The following ROR1 variants were observed in gnomAD, a reference collection of about 807,000 sequenced individuals.
ROR1 encodes the protein ROR family WNT receptor 1.
In ROR1, 19 loss-of-function variants were observed where a neutral mutation model predicts 78.8. The ratio of observed to expected loss-of-function variants is 0.24; its 90% CI spans 0.17 to 0.35. ROR1 has a LOEUF of 0.35. Among genes scored for constraint, ROR1 ranks in the 10% least tolerant of loss-of-function variants. ROR1 has a pLI of 1.00. For synonymous variants in ROR1, 386 were observed against 433.6 expected, an observed-to-expected ratio of 0.89 and a Z score of 1.36; for missense variants, 917 against 1,177.8, an observed-to-expected ratio of 0.78 and a Z score of 3.24.
At chr1:63,811,579 C>G (rs1644860263) in intron 1 of ROR1, among the ~76,000 whole-genome samples, 1 of 151,962 alleles carries the variant, frequency 6.6e-6, no homozygotes, top group Non-Finnish European at 1.5e-5. Context: ...TTTTTTTCCC[C>G]TCCTTCCTAC....
chr1:64,002,028 T>G (rs998418476), intron 1 of ROR1, among the ~76,000 whole-genome samples: 16 of 152,132 alleles, frequency 1.1e-4, no homozygotes, highest in Admixed American at 9.8e-4. Flanking sequence ...TGTCAGGTCT[T>G]ATTGTTAACC....
chr1:64,075,961 C>G (rs1647047272), intron 4 of ROR1, among the ~76,000 whole-genome samples: 1 of 152,188 alleles, frequency 6.6e-6, no homozygotes, highest in African/African-American at 2.4e-5. Context: ...ATGATTGTCA[C>G]TTTTCCAGCA....
intron 1 of ROR1, among the ~76,000 whole-genome samples, chr1:63,954,880 G>A (rs1384204111): frequency 1.3e-5 from 2 of 152,102 alleles, no homozygotes; most frequent in African/African-American, 2.4e-5. Context: ...ACCAAGGGAC[G>A]ACTGTAATTA....
chr1:64,106,220 A>C (rs1647798415), intron 4 of ROR1: 1 of 152,102 alleles, frequency 6.6e-6, no homozygotes, highest in Non-Finnish European at 1.5e-5. Flanking sequence ...TCTTTGTAGC[A>C]ATTGTGAATG....
intron 1 of ROR1, among the ~76,000 whole-genome samples, chr1:63,815,486 T>A (rs1298078370): frequency 7.0e-6 from 1 of 143,272 alleles, no homozygotes; most frequent in Non-Finnish European, 1.5e-5. Flanking sequence ...TTCTTTTTCT[T>A]TTTTTTTTTT....
intron 4 of ROR1, among the ~76,000 whole-genome samples, chr1:64,109,870 G>T (rs918259072): frequency 6.6e-6 from 1 of 152,072 alleles, no homozygotes; most frequent in Non-Finnish European, 1.5e-5. Context: ...GGGATGGGCA[G>T]GAATTTGTTG....
chr1:64,055,345 GTTAAT>G (rs1389609085), intron 4 of ROR1, among the ~76,000 whole-genome samples: 1 of 152,236 alleles, frequency 6.6e-6, no homozygotes, highest in African/African-American at 2.4e-5. Flanking sequence ...TGACACATTG[GTTAAT>G]TTATCTTTTC....
At position 63,875,420 on chromosome 1, in the gene ROR1, T is replaced by A. The variant is rs563214954; in HGVS notation, c.91+100912T>A. Reference sequence around the variant, plus strand: ...CTGTGTGTTTTGGGGGAAATTACTTTGCCTTTCTAAGCTTCTGTTTCCTCG... The same window carrying A: ...CTGTGTGTTTTGGGGGAAATTACTTAGCCTTTCTAAGCTTCTGTTTCCTCG... On this transcript the variant is annotated intron_variant, in intron 1 of 8. Coordinates refer to ENST00000371079, the MANE Select transcript of ROR1 (RefSeq NM_005012.4). Among the ~76,000 whole-genome samples the A allele has an allele frequency of 8.5e-5, 13 of 152,292 alleles. No individual in the cohort carries two copies. In the South Asian group the frequency reaches 2.7e-3, roughly 32 times the overall value.
intron 4 of ROR1, among the ~76,000 whole-genome samples, chr1:64,109,744 G>T (rs1000511787): frequency 2.0e-5 from 3 of 152,060 alleles, no homozygotes; most frequent in African/African-American, 7.2e-5. Flanking sequence ...TGCCTAGACT[G>T]GTCTCAAACT....
intron 1 of ROR1, among the ~76,000 whole-genome samples, chr1:63,783,688 T>C (rs996053815): frequency 1.3e-5 from 2 of 152,184 alleles, no homozygotes; most frequent in Non-Finnish European, 2.9e-5. Flanking sequence ...TCTTGGTGTC[T>C]TCCCTTCTAT....
At chr1:64,119,031 G>A (rs1421339599) in intron 4 of ROR1, among the ~76,000 whole-genome samples, 1 of 152,214 alleles carries the variant, frequency 6.6e-6, no homozygotes, top group Admixed American at 6.5e-5. Flanking sequence ...TAACCCAAGG[G>A]CCAATGTGAA....
At chr1:64,041,548 G>A (rs1310827070) in intron 2 of ROR1, among the ~76,000 whole-genome samples, 1 of 152,122 alleles carries the variant, frequency 6.6e-6, no homozygotes, top group Non-Finnish European at 1.5e-5. Flanking sequence ...CTATAAAGGT[G>A]GCTGTCTTTC....
At chr1:63,946,429 G>A (rs1645890179) in intron 1 of ROR1, among the ~76,000 whole-genome samples, 1 of 152,088 alleles carries the variant, frequency 6.6e-6, no homozygotes, top group Non-Finnish European at 1.5e-5. Flanking sequence ...TTTGACAGTG[G>A]CACAGAATCG....
chr1:63,892,847 A>C (rs1263303184), intron 1 of ROR1, among the ~76,000 whole-genome samples: 3 of 152,168 alleles, frequency 2.0e-5, no homozygotes, highest in Non-Finnish European at 4.4e-5. Flanking sequence ...AGGGAAGGGC[A>C]ATAGGGGTGA....
intron 1 of ROR1, among the ~76,000 whole-genome samples, chr1:63,905,008 G>A (rs1645517742): frequency 6.6e-6 from 1 of 152,118 alleles, no homozygotes; most frequent in African/African-American, 2.4e-5. Context: ...GCTTGTTACA[G>A]CTCCTCATCC....
In ROR1 at chr1:64,178,350, C is replaced by A. The variant is rs1305550222; in HGVS notation, c.2309C>A (p.Thr770Lys). The change falls in exon 9 of 9, where the codon ACA (threonine) becomes AAA (lysine). Residue 770 changes from threonine (T) to lysine (K), a missense_variant. This residue lies in a region of ROR1 where 835 missense variants were observed against 1,069.8 expected (regional missense o/e 0.78). Transcript: ENST00000371079. This position sits in a 1 kb window ranked among gnomAD's most constrained non-coding sequence, Gnocchi z 4.3. The part of the protein sequence containing the change: ...TPSGGNATTQ[T>K]TSLSASPVSN... ...TCAGGGGGAAATGCCACCACACAGA[C>A]AACCTCCCTCAGTGCCAGCCCAGTG... 6 of 1,614,192 alleles carry A rather than the reference C, an allele frequency of 3.7e-6. No individual in the cohort carries two copies. Among genetic ancestry groups the A allele is most frequent in the Non-Finnish European group, 5.1e-6 (6 of 1,180,036 alleles).
chr1:64,020,864 C>A (rs963091597), intron 2 of ROR1, among the ~76,000 whole-genome samples: 1 of 152,106 alleles, frequency 6.6e-6, no homozygotes, highest in East Asian at 1.9e-4. Context: ...AGACAAACTT[C>A]GAAAATGTTG....
Position 63,988,239 on chromosome 1 carries a change from T to C in ROR1, c.92-21066T>C, listed in dbSNP as rs540988702. Among the ~76,000 whole-genome samples, 13 of 152,306 alleles carry C rather than the reference T, an allele frequency of 8.5e-5. No individual in the cohort carries two copies. In the South Asian group the frequency reaches 2.5e-3, roughly 29 times the overall value. ...GGGTCCAGGCTGGGAAGCTCCAGGA[T>C]AAAAGGTAGTCTGTATTTTTATGGA... On this transcript the variant is annotated intron_variant, in intron 1 of 8. Coordinates refer to ENST00000371079, the MANE Select transcript of ROR1 (RefSeq NM_005012.4).
In ROR1 at chr1:64,095,390, C is replaced by T. The variant is rs549773919; in HGVS notation, c.483-41979C>T. On this transcript the variant is annotated intron_variant, in intron 4 of 8. Transcript: ENST00000371079. ...AGCAATAAGATAGATAATTATGGTA[C>T]TATGTATTCATACAGCAAAATAATA... Among the ~76,000 whole-genome samples, 15 of 152,202 alleles carry T rather than the reference C, an allele frequency of 9.9e-5. No homozygotes were observed. The East Asian group carries it at 2.5e-3, about 25-fold the overall frequency.
Sources: gnomAD v4.1 joint callset for allele counts (sites outside exome capture counted in the v4.1 genomes callset) on GRCh38, gnomAD v4.1.1 for gene constraint, gnomAD v4.1.1 regional missense constraint, Gnocchi (gnomAD v3.1) non-coding constraint, MANE v1.5 for transcripts, NCBI Gene and HGNC (gene_info 2026-07-23, HGNC 2026-07-21) for gene names.